IGFN1: variants seen among roughly 807,000 people sequenced by gnomAD.
IGFN1 encodes immunoglobulin-like and fibronectin type III domain-containing protein 1.
Under a neutral mutation model 289.5 loss-of-function variants are expected in IGFN1, and 253 were observed. That is an observed-to-expected ratio of 0.87 (90% CI 0.79 to 0.97). The LOEUF is 0.97. Among genes scored for constraint, IGFN1 ranks in the 50% least tolerant of loss-of-function variants. The pLI, the probability that IGFN1 is intolerant of heterozygous loss-of-function variation, is 0.00. For synonymous variants in IGFN1, 1,706 were observed against 1,788.5 expected, an observed-to-expected ratio of 0.95 and a Z score of 1.16; for missense variants, 4,470 against 4,686.1, an observed-to-expected ratio of 0.95 and a Z score of 1.35.
chr1:201,199,856 C>T (rs1353946120), intron 7 of IGFN1, among the ~76,000 whole-genome samples: 1 of 152,042 alleles, frequency 6.6e-6, no homozygotes, highest in Non-Finnish European at 1.5e-5. Context: ...TTTCAAAGCT[C>T]TATATCCTTG....
chr1:201,215,302 C>T lies in IGFN1; in HGVS notation c.8995+148C>T, dbSNP rs148514487. 1,290 of 996,732 alleles carry T rather than the reference C, an allele frequency of 1.3e-3. 7 individuals carry two copies. The Middle Eastern group carries it at 0.018, about 14-fold the overall frequency. The allele number at this position is 996,732 out of a possible 1,614,324, so 61.7% of individuals were successfully genotyped here. On this transcript the variant is annotated intron_variant, in intron 14 of 23. Transcript: ENST00000335211. ...CCCCAGAGAAGATGATTTAAAAAGC[C>T]GACTCATACCCTGCCTATTCCAGCA...
chr1:201,205,348 G>A lies in IGFN1; in HGVS notation c.1183G>A (p.Val395Ile), dbSNP rs1667365433. 1 of 1,533,306 alleles carries A rather than the reference G, an allele frequency of 6.5e-7. No individual in the cohort carries two copies. Among genetic ancestry groups the A allele is most frequent in the Admixed American group, 2.0e-5 (1 of 50,296 alleles). 95.0% of individuals were successfully genotyped at this position (1,533,306 alleles called of 1,614,324 possible). A position where few individuals can be genotyped will look rare whatever the true frequency, so the allele number is the denominator to read the frequency against. ...CTACACTTCCAGCGCCTGGCTGGTGGTTGAAGGTGAGTGCTTCAAAACTCT... is the reference window on the plus strand; with the variant it reads ...CTACACTTCCAGCGCCTGGCTGGTGATTGAAGGTGAGTGCTTCAAAACTCT... The part of the protein sequence containing the change: ...GLYTSSAWLV[V>I]EAGKDKDLQS... Residue 395 changes from valine to isoleucine, a missense_variant, in exon 11 of 24, where the codon GTT (valine) becomes ATT (isoleucine). Val to Ile is a conservative substitution (Grantham distance 29, BLOSUM62 3). This residue lies in a region of IGFN1 where 2,011 missense variants were observed against 1,953.4 expected (regional missense o/e 1.03). Transcript: ENST00000335211.
Position 201,206,316 on chromosome 1 carries a change from G to A in IGFN1, c.1423G>A (p.Asp475Asn), listed in dbSNP as rs1269091817. The A allele has an allele frequency of 1.9e-6, 3 of 1,550,346 alleles. No homozygotes were observed. The highest frequency in any genetic ancestry group is 1.7e-4 in the Middle Eastern group (1 of 5,992). Residue 475 changes from aspartate (D) to asparagine (N), a missense_variant, in exon 12 of 24, where the codon GAC (aspartate) becomes AAC (asparagine). Asp to Asn is a conservative substitution (Grantham distance 23). This residue lies in a region of IGFN1 where 2,011 missense variants were observed against 1,953.4 expected (regional missense o/e 1.03). Coordinates refer to ENST00000335211, the MANE Select transcript of IGFN1 (RefSeq NM_001164586.2). ...LGRHGYSLMG[D>N]KGTADSAWGP... is the part of the protein sequence containing the mutation. ...CAGACATGGCTACTCCTTGATGGGG[G>A]ACAAAGGGACAGCTGACTCAGCCTG...
intron 10 of IGFN1, among the ~76,000 whole-genome samples, chr1:201,204,703 A>G (rs1359643605): frequency 2.0e-5 from 3 of 152,184 alleles, no homozygotes; most frequent in Non-Finnish European, 4.4e-5. Flanking sequence ...TTAACTTTTT[A>G]AGCCTTAGTT....
intron 8 of IGFN1, among the ~76,000 whole-genome samples, chr1:201,200,728 T>C (rs1326857711): frequency 6.6e-6 from 1 of 152,088 alleles, no homozygotes; most frequent in East Asian, 1.9e-4. Context: ...ATTGGGAGGA[T>C]AAATGAGAGA....
chr1:201,226,335 C>T lies in IGFN1; in HGVS notation c.10786+212C>T, dbSNP rs1302175248. Reference sequence around the variant, plus strand: ...CTGGCATCCTCTGCACCCCGACCTCCGTGGGAAGAATGAGATTGGTGTGGG... The same window carrying T: ...CTGGCATCCTCTGCACCCCGACCTCTGTGGGAAGAATGAGATTGGTGTGGG... On this transcript the variant is annotated intron_variant, in intron 22 of 23. Coordinates refer to ENST00000335211, the MANE Select transcript of IGFN1 (RefSeq NM_001164586.2). 5.3e-5 allele frequency among the ~76,000 whole-genome samples: 8 copies of T among 152,212 alleles called. No individual in the cohort carries two copies. In the East Asian group the frequency reaches 5.8e-4, roughly 11 times the overall value.
rs565592325 is a variant in IGFN1 at position 201,225,490 on chromosome 1, G to A, written c.10487-334G>A. 5.3e-5 allele frequency among the ~76,000 whole-genome samples: 8 copies of A among 152,348 alleles called. No homozygotes were observed. The South Asian group carries it at 1.4e-3, about 28-fold the overall frequency. ...CGCCTGTAGTCCCAGCTACTTGGGA[G>A]GCTGAGGCAGGAGAATGGCGTGAAC... On this transcript the variant is annotated intron_variant, in intron 21 of 23. Transcript: ENST00000335211.
In IGFN1 at chr1:201,208,488, G is replaced by A. The variant is rs757869019; in HGVS notation, c.3595G>A (p.Ala1199Thr). Residue 1199 changes from alanine to threonine, a missense_variant, in exon 12 of 24, where the codon GCT becomes ACT. Physicochemically the swap from Ala to Thr is moderately conservative, Grantham distance 58. Transcript: ENST00000335211. ...PESLAPHNGA[A>T]SGSQWAYGAG... is the part of the protein sequence containing the mutation. ...GTCACTCGCACCTCACAATGGGGCC[G>A]CTTCTGGGAGCCAGTGGGCTTATGG... 1.2e-4 allele frequency: 174 copies of A among 1,447,218 alleles called. 2 individuals are homozygous for A. The highest frequency in any genetic ancestry group is 5.1e-4 in the South Asian group (34 of 67,200). 89.6% of individuals were successfully genotyped at this position (1,447,218 alleles called of 1,614,324 possible).
intron 1 of IGFN1, among the ~76,000 whole-genome samples, chr1:201,192,795 G>A (rs1666715288): frequency 2.0e-5 from 3 of 152,186 alleles, no homozygotes; most frequent in Non-Finnish European, 4.4e-5. Flanking sequence ...CAAAGCCAAT[G>A]GGGCAAGCTG....
intron 9 of IGFN1, 106 bp from the exon 10 acceptor site, chr1:201,203,632 G>A (rs1156607176): frequency 9.7e-6 from 10 of 1,026,354 alleles, no homozygotes; most frequent in Middle Eastern, 2.2e-4. Flanking sequence ...GTTGTCTGGC[G>A]ACTGGGCCCG....
intron 10 of IGFN1, 47 bp from the exon 11 acceptor site, chr1:201,205,035 T>C (rs553969713): frequency 6.7e-7 from 1 of 1,491,562 alleles, no homozygotes; most frequent in African/African-American, 1.4e-5. Flanking sequence ...TAGGTCACAC[T>C]GTGTCATACC....
At chr1:201,196,255 A>G (rs1666912982) in intron 4 of IGFN1, among the ~76,000 whole-genome samples, 2 of 152,080 alleles carry the variant, frequency 1.3e-5, no homozygotes, top group Admixed American at 1.3e-4. Context: ...TCCCAGGCCC[A>G]CCACCTTGGC....
chr1:201,225,859 G>C lies in IGFN1; in HGVS notation c.10522G>C (p.Glu3508Gln). 6.2e-7 allele frequency: 1 copy of C among 1,613,142 alleles called. No homozygotes were observed. Among genetic ancestry groups the C allele is most frequent in the Non-Finnish European group, 8.5e-7 (1 of 1,179,842 alleles). ...GGCCCCTGGGCCCATCCACCTGCAG[G>C]AGAACGTGCCTGGGACGGTGACGGC... The part of the protein sequence containing the change: ...PQAPGPIHLQ[E>Q]NVPGTVTAEW... The change falls in exon 22 of 24, where the codon GAG (glutamate) becomes CAG (glutamine). Residue 3508 changes from glutamate to glutamine, a missense_variant. Glu to Gln is a conservative substitution (Grantham distance 29). Around this residue, in one of 8 missense-constraint regions of IGFN1, gnomAD observed 2,218 missense variants for 2,114.1 expected, o/e 1.05. Transcript: ENST00000335211.
chr1:201,223,024 C>T, intron 20 of IGFN1, 197 bp downstream of exon 20: 1 of 422,640 alleles, frequency 2.4e-6, no homozygotes, highest in Non-Finnish European at 4.2e-6. Context: ...AAGGTACTGC[C>T]CTCACTTGGC....
Position 201,213,232 on chromosome 1 carries a change from C to T in IGFN1, c.8339C>T (p.Ser2780Phe). Reference protein sequence around the residue: ...GGKRSLGEQGSLEAENGEVQG... With the variant: ...GGKRSLGEQGFLEAENGEVQG... ...AAGAGGTCCCTCGGGGAGCAGGGGT[C>T]CCTGGAGGCTGAGAATGGTGAGGTC... Residue 2780 changes from serine (S) to phenylalanine (F), a missense_variant, in exon 12 of 24, where the codon TCC becomes TTC. Coordinates refer to ENST00000335211, the MANE Select transcript of IGFN1 (RefSeq NM_001164586.2). The T allele has an allele frequency of 6.4e-7, 1 of 1,551,648 alleles. No homozygotes were observed. The highest frequency in any genetic ancestry group is 8.7e-7 in the Non-Finnish European group (1 of 1,146,964).
Position 201,194,260 on chromosome 1 carries a change from G to A in IGFN1, c.114G>A (p.Ser38=), listed in dbSNP as rs1227875051. 9.7e-6 allele frequency: 15 copies of A among 1,551,352 alleles called. No homozygotes were observed. Among genetic ancestry groups the A allele is most frequent in the Admixed American group, 3.9e-5 (2 of 50,982 alleles). ...ACTTTGAGCAGAAGCCCGTCACCTC[G>A]GCTCTGCCAGAGGGTGAGCCCAGAG... ...TPDFEQKPVT[S]ALPEGKNAVF... is the part of the protein sequence containing the mutation. Residue 38 remains serine, a synonymous_variant, in exon 3 of 24, where the codon TCG becomes TCA. Coordinates refer to ENST00000335211, the MANE Select transcript of IGFN1 (RefSeq NM_001164586.2).
In IGFN1 at chr1:201,215,698, G is replaced by A. The variant is rs577323742; in HGVS notation, c.9155G>A (p.Arg3052Lys). ...DGAEVVGSSD[R>K]EAQVDLGDGY... ...GCTGAGGTGGTGGGCAGCAGTGACA[G>A]GGAGGCCCAGGTGGACCTGGGGGAT... Residue 3052 changes from arginine (R) to lysine (K), a missense_variant, in exon 15 of 24, where the codon AGG (arginine) becomes AAG (lysine). Physicochemically the swap from Arg to Lys is conservative, Grantham distance 26. Coordinates refer to ENST00000335211, the MANE Select transcript of IGFN1 (RefSeq NM_001164586.2). The A allele has an allele frequency of 1.2e-6, 2 of 1,613,592 alleles. No individual in the cohort carries two copies. The highest frequency in any genetic ancestry group is 1.3e-5 in the African/African-American group (1 of 74,920).
At position 201,215,166 on chromosome 1, in the gene IGFN1, C is replaced by T. The variant is rs34052252; in HGVS notation, c.8995+12C>T. On this transcript the variant is annotated intron_variant, in intron 14 of 23. Transcript: ENST00000335211. ...CCTGACCGTCCAGGGTAAGGCCCAGCCCTGCCCTGCCCTGCCCTGTCCTGT... is the reference window on the plus strand; with the variant it reads ...CCTGACCGTCCAGGGTAAGGCCCAGTCCTGCCCTGCCCTGCCCTGTCCTGT... The T allele has an allele frequency of 0.014, 22,891 of 1,603,940 alleles. 205 individuals are homozygous for T. Among genetic ancestry groups the T allele is most frequent in the Non-Finnish European group, 0.017 (20,120 of 1,174,544 alleles).
chr1:201,207,296 G>T lies in IGFN1; in HGVS notation c.2403G>T (p.Trp801Cys), dbSNP rs371380049. Residue 801 changes from tryptophan to cysteine, a missense_variant, in exon 12 of 24, where the codon TGG (tryptophan) becomes TGT (cysteine). Physicochemically the swap from Trp to Cys is radical, Grantham distance 215. This residue lies in a region of IGFN1 where 2,011 missense variants were observed against 1,953.4 expected (regional missense o/e 1.03). Coordinates refer to ENST00000335211, the MANE Select transcript of IGFN1 (RefSeq NM_001164586.2). ...GAAGGGATGGCCAGGAAACAGCTTG[G>T]GCCTCGGGTGAGGTAGAGTATGACC... ...LRGRDGQETA[W>C]ASGEVEYDPR... is the part of the protein sequence containing the mutation. 2 of 1,536,784 alleles carry T rather than the reference G, an allele frequency of 1.3e-6. No homozygotes were observed. The highest frequency in any genetic ancestry group is 1.7e-6 in the Non-Finnish European group (2 of 1,146,890).
Sources: allele counts gnomAD v4.1 joint callset (sites outside exome capture counted in the v4.1 genomes callset), GRCh38; gene constraint gnomAD v4.1.1; regional missense constraint gnomAD v4.1.1; transcripts MANE v1.5; gene names NCBI Gene and HGNC (gene_info 2026-07-23, HGNC 2026-07-21).